POU2F3: variants seen among roughly 807,000 people sequenced by gnomAD.
The protein encoded by POU2F3 is POU domain, class 2, transcription factor 3.
POU2F3 carries 23 observed loss-of-function variants against 59.2 expected under a neutral mutation model. That is an observed-to-expected ratio of 0.39 (90% CI 0.28 to 0.55). The LOEUF (loss-of-function observed/expected upper bound fraction) is 0.55, where lower values mean the gene tolerates loss of function less well. Among genes scored for constraint, POU2F3 ranks in the 20% least tolerant of loss-of-function variants. The pLI is 0.66. For missense variants in POU2F3, 473 were observed against 544.5 expected (o/e 0.87, Z 1.31); for synonymous variants, 190 against 214.6 (o/e 0.89, Z 1.00).
chr11:120,295,375 C>A (rs1941166246), intron 3 of POU2F3, among the ~76,000 whole-genome samples: 1 of 152,188 alleles, frequency 6.6e-6, no homozygotes, highest in African/African-American at 2.4e-5. Flanking sequence ...GCTGTTCTAC[C>A]AGCATGATTT....
intron 6 of POU2F3, 152 bp from the exon 7 acceptor site, chr11:120,304,878 T>C (rs1001344058): frequency 5.7e-6 from 3 of 523,092 alleles, no homozygotes; most frequent in African/African-American, 2.4e-5. Flanking sequence ...ACTGGAAAAA[T>C]ATAAGACTCC....
chr11:120,237,630 T>A (rs1591364833), upstream of POU2F3, among the ~76,000 whole-genome samples: 1 of 152,174 alleles, frequency 6.6e-6, no homozygotes, highest in Non-Finnish European at 1.5e-5. Context: ...GGTCGGAGAA[T>A]GAGACCCTCG....
intron 4 of POU2F3, 29 bp from the exon 5 acceptor site, chr11:120,299,595 G>A: frequency 6.3e-7 from 1 of 1,595,772 alleles, no homozygotes; most frequent in Non-Finnish European, 8.6e-7. Context: ...TGTAAATTCT[G>A]TGGTGTATGT....
chr11:120,309,426 A>T lies in POU2F3; in HGVS notation c.908A>T (p.Asn303Ile). The T allele has an allele frequency of 6.2e-7, 1 of 1,612,980 alleles. No homozygotes were observed. Among genetic ancestry groups the T allele is most frequent in the Non-Finnish European group, 8.5e-7 (1 of 1,179,068 alleles). Residue 303 changes from asparagine to isoleucine, a missense_variant and splice_region_variant, in exon 10 of 13, where the codon AAC (asparagine) becomes ATC (isoleucine). By Grantham distance (149) the Asn-to-Ile change is moderately radical. Transcript: ENST00000543440. ...RLTLEKRFQD[N>I]PKPSSEEISM... ...ACTCTGTCCTTTCGGTGCCTATAGAACCCAAAACCCAGCTCGGAGGAGATC... is the reference window on the plus strand; with the variant it reads ...ACTCTGTCCTTTCGGTGCCTATAGATCCCAAAACCCAGCTCGGAGGAGATC...
chr11:120,260,844 G>A (rs117170835), intron 2 of POU2F3, among the ~76,000 whole-genome samples: 3,874 of 152,266 alleles, frequency 0.025, 73 homozygotes, highest in Middle Eastern at 0.051. Flanking sequence ...GAGGCAGGAG[G>A]ATTGCTTGAG....
chr11:120,304,942 TAAAAAA>T (rs11443197), intron 6 of POU2F3, 82 bp from the exon 7 acceptor site: 900 of 336,034 alleles, frequency 2.7e-3, no homozygotes, highest in Non-Finnish European at 3.2e-3. Flanking sequence ...GGCCTATTAG[TAAAAAA>T]AAAAAAAAAA....
In POU2F3 at chr11:120,240,313, G is replaced by T; in HGVS notation, c.-31G>T. The T allele has an allele frequency of 7.3e-7, 1 of 1,364,008 alleles. No individual in the cohort carries two copies. Among genetic ancestry groups the T allele is most frequent in the Non-Finnish European group, 9.5e-7 (1 of 1,047,852 alleles). The allele number at this position is 1,364,008 out of a possible 1,614,324, so 84.5% of individuals were successfully genotyped here. On this transcript the variant is annotated 5_prime_UTR_variant, in exon 1 of 13. Transcript: ENST00000543440. ...TGGGGCAGAGGCGAGGGGCCTGGGG[G>T]GGCGCTGGCTTTGGCCCCGCCTGGG...
Position 120,319,529 on chromosome 11 carries a change from C to T in POU2F3, c.*1137C>T, listed in dbSNP as rs188928459. ...GATCTTGGCTCACTGCATGCTCTGC[C>T]ACTTGGGTTCAAGCGATTCTCCTGC... On this transcript the variant is annotated 3_prime_UTR_variant, in exon 13 of 13. Transcript: ENST00000543440. 9 of 149,508 alleles carry T rather than the reference C, an allele frequency of 6.0e-5. No homozygotes were observed. The highest frequency in any genetic ancestry group is 2.0e-4 in the African/African-American group (8 of 40,386). The allele number at this position is 149,508 out of a possible 1,614,324, so 9.3% of individuals were successfully genotyped here.
chr11:120,253,270 T>C (rs1939193907), intron 2 of POU2F3, among the ~76,000 whole-genome samples: 1 of 151,712 alleles, frequency 6.6e-6, no homozygotes, highest in Non-Finnish European at 1.5e-5. Context: ...TAATTTTTTT[T>C]TTTTTTTGAG....
chr11:120,236,704 A>G (rs1212463099), upstream of POU2F3: 8 of 1,491,662 alleles, frequency 5.4e-6, no homozygotes, highest in Admixed American at 2.0e-5. Flanking sequence ...TAAAGGAGGA[A>G]GGGGTAAAGG....
chr11:120,306,730 G>C (rs1211591200), intron 8 of POU2F3, among the ~76,000 whole-genome samples: 1 of 152,170 alleles, frequency 6.6e-6, no homozygotes, highest in Non-Finnish European at 1.5e-5. Context: ...GGAGAAAAGG[G>C]TGGGGCAGCC....
At chr11:120,289,444 A>C (rs568913065) in intron 3 of POU2F3, among the ~76,000 whole-genome samples, 1 of 152,290 alleles carries the variant, frequency 6.6e-6, no homozygotes, top group Admixed American at 6.5e-5. Context: ...TAACTGAACT[A>C]AAACTAAAAT....
intron 2 of POU2F3, among the ~76,000 whole-genome samples, chr11:120,263,595 A>G (rs779248416): frequency 5.9e-5 from 9 of 152,170 alleles, no homozygotes; most frequent in Non-Finnish European, 1.2e-4. Flanking sequence ...GCGTCACTCA[A>G]TGCGTTGGAG....
intron 6 of POU2F3, 115 bp from the exon 7 acceptor site, chr11:120,304,915 C>G: frequency 1.3e-6 from 1 of 795,056 alleles, no homozygotes; most frequent in South Asian, 2.2e-5. Flanking sequence ...ATCCAGGGAT[C>G]TGTCATCCTC....
At chr11:120,308,970 A>G (rs1030581018) in intron 9 of POU2F3, among the ~76,000 whole-genome samples, 40 of 144,672 alleles carry the variant, frequency 2.8e-4, no homozygotes, top group African/African-American at 9.4e-4. Flanking sequence ...AAAAAAAAAA[A>G]AAAAAAGAAA....
intron 3 of POU2F3, among the ~76,000 whole-genome samples, chr11:120,274,105 AAGAAAGGAAGG>A (rs1940210762): frequency 1.2e-5 from 1 of 86,390 alleles, no homozygotes; most frequent in Non-Finnish European, 2.2e-5. Flanking sequence ...GGAAGGAAGG[AAGAAAGGAAGG>A]AAGGAAGGAA....
chr11:120,293,885 T>G (rs1219053216), intron 3 of POU2F3, among the ~76,000 whole-genome samples: 2 of 152,164 alleles, frequency 1.3e-5, no homozygotes, highest in Non-Finnish European at 2.9e-5. Flanking sequence ...TGTGTAATAT[T>G]TTTTGGTAGA....
chr11:120,261,821 T>A (rs886390039), intron 2 of POU2F3, among the ~76,000 whole-genome samples: 2 of 152,052 alleles, frequency 1.3e-5, no homozygotes, highest in African/African-American at 4.8e-5. Flanking sequence ...ATTTGGGAGG[T>A]CACTTGAGAT....
At chr11:120,264,196 C>T (rs1939727363) in intron 2 of POU2F3, among the ~76,000 whole-genome samples, 1 of 145,630 alleles carries the variant, frequency 6.9e-6, no homozygotes, top group East Asian at 2.4e-4. Context: ...CTCATACACA[C>T]ACACACACAC....
Sources: allele counts gnomAD v4.1 joint callset (sites outside exome capture counted in the v4.1 genomes callset), GRCh38; gene constraint gnomAD v4.1.1; transcripts MANE v1.5; gene names NCBI Gene and HGNC (gene_info 2026-07-23, HGNC 2026-07-21).